GRIK2: variants seen among roughly 807,000 people sequenced by gnomAD.
GRIK2 encodes the protein glutamate receptor ionotropic, kainate 2.
A neutral mutation model predicts 100.3 loss-of-function variants in GRIK2; 32 were observed. That is an observed-to-expected ratio of 0.32 (90% confidence interval 0.24 to 0.43). GRIK2 has a LOEUF of 0.43. Among genes scored for constraint, GRIK2 ranks in the 20% least tolerant of loss-of-function variants. The probability of loss-of-function intolerance (pLI) is 1.00; values close to 1 mark genes in which losing one functional copy is unlikely to be tolerated. For missense variants in GRIK2, 843 were observed against 1,114.9 expected (o/e 0.76, Z 3.47); for synonymous variants, 417 against 389.4 (o/e 1.07, Z -0.83).
chr6:101,415,365 CTTTTTTTTTT>C (rs55751504), intron 2 of GRIK2, among the ~76,000 whole-genome samples: 2 of 100,740 alleles, frequency 2.0e-5, no homozygotes, highest in East Asian at 2.8e-4. Flanking sequence ...TTTTCCATAA[CTTTTTTTTTT>C]TTTTTTTTTT....
intron 10 of GRIK2, among the ~76,000 whole-genome samples, chr6:101,821,339 A>G (rs958258314): frequency 1.3e-5 from 2 of 152,196 alleles, no homozygotes; most frequent in African/African-American, 4.8e-5. Flanking sequence ...TCAGCTCTAA[A>G]GCTTTAATAA....
chr6:101,571,745 G>A (rs1777542855), intron 2 of GRIK2, among the ~76,000 whole-genome samples: 1 of 151,910 alleles, frequency 6.6e-6, no homozygotes, highest in Admixed American at 6.6e-5. Context: ...CCTAAATTCA[G>A]GAAATCAGTA....
intron 3 of GRIK2, among the ~76,000 whole-genome samples, chr6:101,622,959 G>C (rs1582843365): frequency 6.6e-6 from 1 of 151,850 alleles, no homozygotes; most frequent in Non-Finnish European, 1.5e-5. Context: ...TATAGTAGGT[G>C]ATCTTTTCTT....
intron 4 of GRIK2, among the ~76,000 whole-genome samples, chr6:101,652,366 C>G (rs114336537): frequency 3.3e-5 from 5 of 152,054 alleles, no homozygotes; most frequent in African/African-American, 4.8e-5. Flanking sequence ...CCCTCCACAA[C>G]TAAGAAGAAG....
intron 5 of GRIK2, 150 bp downstream of exon 5, chr6:101,676,954 T>C (rs1395440055): frequency 3.7e-6 from 2 of 547,380 alleles, no homozygotes; most frequent in African/African-American, 4.0e-5. Context: ...TTGCTTTTAA[T>C]TAATTGTCTT....
chr6:101,519,742 A>G (rs1774778222), intron 2 of GRIK2, among the ~76,000 whole-genome samples: 2 of 152,256 alleles, frequency 1.3e-5, no homozygotes, highest in South Asian at 2.1e-4. Context: ...GTAACTGTAC[A>G]TATGCATACA....
chr6:101,682,486 C>T (rs948210384), intron 5 of GRIK2, 67 bp from the exon 6 acceptor site: 38 of 759,826 alleles, frequency 5.0e-5, no homozygotes, highest in Non-Finnish European at 8.8e-5. Context: ...ATTTTGTTCT[C>T]ACTTGAATTA....
At chr6:101,460,195 T>G (rs1771228398) in intron 2 of GRIK2, among the ~76,000 whole-genome samples, 1 of 152,158 alleles carries the variant, frequency 6.6e-6, no homozygotes, top group Admixed American at 6.5e-5. Flanking sequence ...TTGTGAAAAC[T>G]TTTCTGGCTT....
intron 7 of GRIK2, among the ~76,000 whole-genome samples, chr6:101,767,651 G>A (rs1474593766): frequency 6.6e-6 from 1 of 151,920 alleles, no homozygotes; most frequent in Non-Finnish European, 1.5e-5. Context: ...CAATATGTGT[G>A]TGACTGGGTC....
At chr6:101,628,548 G>C (rs931828542) in intron 4 of GRIK2, among the ~76,000 whole-genome samples, 2 of 151,920 alleles carry the variant, frequency 1.3e-5, no homozygotes, top group African/African-American at 4.8e-5. Flanking sequence ...TTGAATGTCA[G>C]GTTCTATATG....
intron 7 of GRIK2, among the ~76,000 whole-genome samples, chr6:101,689,851 T>C (rs117922291): frequency 0.012 from 1,830 of 152,280 alleles, 22 homozygotes; most frequent in Non-Finnish European, 0.018. Flanking sequence ...GCATTCTGTA[T>C]TGTGTTCCCA....
At chr6:101,594,337 G>A (rs9498635) in intron 2 of GRIK2, among the ~76,000 whole-genome samples, 41,909 of 151,512 alleles carry the variant, frequency 0.28, 6,203 homozygotes, top group African/African-American at 0.37. Flanking sequence ...TATTTAACAT[G>A]TAACTGATGC....
At chr6:102,019,067 A>G (rs1228435955) in intron 14 of GRIK2, among the ~76,000 whole-genome samples, 2 of 152,076 alleles carry the variant, frequency 1.3e-5, no homozygotes, top group Non-Finnish European at 1.5e-5. Flanking sequence ...GGCTTTATTT[A>G]AATAGATTTT....
intron 4 of GRIK2, among the ~76,000 whole-genome samples, chr6:101,657,217 G>A (rs527572650): frequency 6.6e-6 from 1 of 152,300 alleles, no homozygotes; most frequent in South Asian, 2.1e-4. Flanking sequence ...CAGAGACCTG[G>A]TGGAAGGGGT....
chr6:101,618,835 T>C (rs1780016488), intron 2 of GRIK2, among the ~76,000 whole-genome samples: 1 of 151,524 alleles, frequency 6.6e-6, no homozygotes, highest in South Asian at 2.1e-4. Flanking sequence ...AGAGTGGATA[T>C]TGTAGACATT....
intron 12 of GRIK2, among the ~76,000 whole-genome samples, chr6:101,901,209 G>A (rs1787825821): frequency 6.6e-6 from 1 of 151,616 alleles, no homozygotes; most frequent in Non-Finnish European, 1.5e-5. Flanking sequence ...GTTTTTTTAT[G>A]TAATATTATA....
At chr6:101,542,908 C>T (rs1213836207) in intron 2 of GRIK2, among the ~76,000 whole-genome samples, 3 of 151,730 alleles carry the variant, frequency 2.0e-5, no homozygotes, top group South Asian at 2.1e-4. Context: ...GATTTCAAGC[C>T]GATTGTGTCA....
At chr6:101,565,507 CA>C (rs1777212893) in intron 2 of GRIK2, among the ~76,000 whole-genome samples, 1 of 151,900 alleles carries the variant, frequency 6.6e-6, no homozygotes, top group Admixed American at 6.6e-5. Context: ...TAAAATATGA[CA>C]ATGGTGATGT....
At chr6:101,534,485 A>T (rs1354160592) in intron 2 of GRIK2, among the ~76,000 whole-genome samples, 1 of 151,864 alleles carries the variant, frequency 6.6e-6, no homozygotes, top group Non-Finnish European at 1.5e-5. Flanking sequence ...AAATGATCTA[A>T]AGGAACCTGG....
Sources: gnomAD v4.1 joint callset for allele counts (sites outside exome capture counted in the v4.1 genomes callset) on GRCh38, gnomAD v4.1.1 for gene constraint, MANE v1.5 for transcripts, NCBI Gene and HGNC (gene_info 2026-07-23, HGNC 2026-07-21) for gene names.